Variants in KHDRBS2 observed in about 807,000 individuals in gnomAD.
The protein encoded by KHDRBS2 is KH RNA binding domain containing, signal transduction associated 2.
In KHDRBS2, 26 loss-of-function variants were observed where a neutral mutation model predicts 44.3. The observed-to-expected ratio is 0.59, with a 90% CI of 0.43 to 0.81. KHDRBS2 has a LOEUF of 0.81. Among genes scored for constraint, KHDRBS2 ranks in the 40% least tolerant of loss-of-function variants. KHDRBS2 has a pLI of 0.00. For missense variants in KHDRBS2, 476 were observed against 433.1 expected (o/e 1.10, Z -0.88); for synonymous variants, 194 against 151.1 (o/e 1.28, Z -2.08).
chr6:62,109,449 T>C (rs1287843883), intron 2 of KHDRBS2, among the ~76,000 whole-genome samples: 1 of 151,936 alleles, frequency 6.6e-6, no homozygotes, highest in Non-Finnish European at 1.5e-5. Context: ...CTAATCAACA[T>C]TGCCAGGGAA....
At chr6:61,650,500 A>G in the KHDRBS2 span, among the ~76,000 whole-genome samples, 3 of 151,994 alleles carry the variant, frequency 2.0e-5, no homozygotes, top group Non-Finnish European at 4.4e-5. Flanking sequence ...ACATAAATTC[A>G]TAAAAATAAG....
At chr6:62,247,119 C>T (rs1835711471) in intron 1 of KHDRBS2, among the ~76,000 whole-genome samples, 1 of 151,826 alleles carries the variant, frequency 6.6e-6, no homozygotes, top group Non-Finnish European at 1.5e-5. Context: ...CTGTGGATAC[C>T]AGCAGTATTA....
chr6:62,172,732 C>T (rs531647607), intron 2 of KHDRBS2, among the ~76,000 whole-genome samples: 3 of 129,250 alleles, frequency 2.3e-5, no homozygotes, highest in South Asian at 2.5e-4. Context: ...TGGAATCATA[C>T]CAAGCATGCT....
chr6:61,787,686 C>T (rs1362113913), intron 6 of KHDRBS2, among the ~76,000 whole-genome samples: 1 of 151,662 alleles, frequency 6.6e-6, no homozygotes, highest in Non-Finnish European at 1.5e-5. Context: ...AGGTCTTAAC[C>T]TGTGTTCCAG....
intron 3 of KHDRBS2, among the ~76,000 whole-genome samples, chr6:61,991,710 T>A (rs1041200542): frequency 6.6e-6 from 1 of 152,188 alleles, no homozygotes; most frequent in African/African-American, 2.4e-5. Context: ...CAAGGTGGAA[T>A]ATCAGTTTCC....
chr6:62,113,510 C>A (rs181062159), intron 2 of KHDRBS2, among the ~76,000 whole-genome samples: 1 of 151,992 alleles, frequency 6.6e-6, no homozygotes, highest in Admixed American at 6.6e-5. Context: ...GATCTAAACT[C>A]CCTGAGAGAA....
At chr6:61,959,991 A>G (rs1230861120) in intron 4 of KHDRBS2, among the ~76,000 whole-genome samples, 1 of 152,156 alleles carries the variant, frequency 6.6e-6, no homozygotes, top group Non-Finnish European at 1.5e-5. Flanking sequence ...CTGTTTCAGA[A>G]AACATTTCAT....
intron 4 of KHDRBS2, among the ~76,000 whole-genome samples, chr6:61,955,019 C>T (rs1413914875): frequency 4.9e-5 from 7 of 141,986 alleles, no homozygotes; most frequent in Admixed American, 2.1e-4. Flanking sequence ...TATGTATACA[C>T]ACATACATAT....
chr6:62,133,505 A>G lies in KHDRBS2; in HGVS notation c.219+43680T>C, dbSNP rs117605918. Among the ~76,000 whole-genome samples the G allele has an allele frequency of 1.0e-3, 156 of 152,290 alleles. 1 individual carries two copies. The East Asian group carries it at 0.016, about 15-fold the overall frequency. Reference sequence around the variant, plus strand: ...CTTTATAAATTGCCCAGTCTCAGGTATGTATTTATCAGCATCATGAAAATG... The same window carrying G: ...CTTTATAAATTGCCCAGTCTCAGGTGTGTATTTATCAGCATCATGAAAATG... On this transcript the variant is annotated intron_variant, in intron 2 of 8. Coordinates refer to ENST00000281156, the MANE Select transcript of KHDRBS2 (RefSeq NM_152688.4).
chr6:61,560,830 C>T, the KHDRBS2 span, among the ~76,000 whole-genome samples: 12 of 152,082 alleles, frequency 7.9e-5, no homozygotes, highest in Admixed American at 3.9e-4. Flanking sequence ...TTATTAAGTT[C>T]ATTTGCTGAG....
chr6:61,554,918 C>T, the KHDRBS2 span, among the ~76,000 whole-genome samples: 503 of 152,184 alleles, frequency 3.3e-3, no homozygotes, highest in African/African-American at 0.012. Flanking sequence ...TGACCTGCCC[C>T]TTCTCTCTAG....
chr6:62,283,041 C>G (rs1477611610), intron 1 of KHDRBS2, among the ~76,000 whole-genome samples: 1 of 152,126 alleles, frequency 6.6e-6, no homozygotes, highest in Admixed American at 6.5e-5. Flanking sequence ...AATTCAGACA[C>G]TGAGTAGAAC....
chr6:61,809,232 A>G (rs1411920294), intron 6 of KHDRBS2, among the ~76,000 whole-genome samples: 2 of 152,142 alleles, frequency 1.3e-5, no homozygotes, highest in African/African-American at 2.4e-5. Context: ...GGCATAAAAA[A>G]TCAATAGAAC....
Position 61,981,472 on chromosome 6 carries a change from TTTTTAA to T in KHDRBS2, c.337-3266_337-3261del, listed in dbSNP as rs200257281. Among the ~76,000 whole-genome samples the T allele has an allele frequency of 4.5e-3, 692 of 152,278 alleles. 7 individuals are homozygous for T. The highest frequency in any genetic ancestry group is 0.016 in the African/African-American group (664 of 41,554). ...ACTTAAAAAAAAAAAACTGAGTTTT[TTTTTAA>T]TTTATTTGTTTGTTGTTGCTGTTTT... On this transcript the variant is annotated intron_variant, in intron 3 of 8. Coordinates refer to ENST00000281156, the MANE Select transcript of KHDRBS2 (RefSeq NM_152688.4).
the KHDRBS2 span, among the ~76,000 whole-genome samples, chr6:61,656,552 G>A: frequency 1.3e-5 from 2 of 151,920 alleles, no homozygotes; most frequent in African/African-American, 2.4e-5. Context: ...CTTCTAAAAT[G>A]TGCATGTAAC....
At chr6:61,920,486 G>C (rs1562444388) in intron 4 of KHDRBS2, among the ~76,000 whole-genome samples, 1 of 151,834 alleles carries the variant, frequency 6.6e-6, no homozygotes, top group African/African-American at 2.4e-5. Context: ...AGGTAAGTCT[G>C]TTACATCTAC....
chr6:62,213,893 A>AAAAAAAAAAAAAAC (rs1829538838), intron 1 of KHDRBS2, among the ~76,000 whole-genome samples: 1 of 150,524 alleles, frequency 6.6e-6, no homozygotes, highest in African/African-American at 2.4e-5. Flanking sequence ...AAAAAAAAAA[A>AAAAAAAAAAAAAAC]AAAAAAAAAA....
the KHDRBS2 span, among the ~76,000 whole-genome samples, chr6:61,595,067 G>A: frequency 1.3e-5 from 2 of 151,882 alleles, no homozygotes; most frequent in African/African-American, 2.4e-5. Flanking sequence ...TGTTTTTTGA[G>A]TTTACTCAAA....
rs1449681045 is a variant in KHDRBS2, at chr6:61,855,018, C to T, written c.810+39617G>A. Among the ~76,000 whole-genome samples the T allele has an allele frequency of 2.0e-5, 3 of 152,102 alleles. No homozygotes were observed. The East Asian group carries it at 5.8e-4, about 29-fold the overall frequency. On this transcript the variant is annotated intron_variant, in intron 6 of 8. Coordinates refer to ENST00000281156, the MANE Select transcript of KHDRBS2 (RefSeq NM_152688.4). The stretch of plus-strand genomic sequence containing the variant: ...GCAATGACAATGAATTTAACCTCCC[C>T]TAATGTTCAAAGTATGTAAGAATAA...
Sources: allele counts gnomAD v4.1 joint callset (sites outside exome capture counted in the v4.1 genomes callset), GRCh38; gene constraint gnomAD v4.1.1; transcripts MANE v1.5; gene names NCBI Gene and HGNC (gene_info 2026-07-23, HGNC 2026-07-21).